RERE: variants seen among roughly 807,000 people sequenced by gnomAD.
The protein encoded by RERE is arginine-glutamic acid dipeptide repeats protein.
RERE carries 40 observed loss-of-function variants against 146.1 expected under a neutral mutation model. The observed-to-expected ratio is 0.27, with a 90% CI of 0.21 to 0.36. The LOEUF (loss-of-function observed/expected upper bound fraction) is 0.36. Ranked by LOEUF, RERE falls within the 10% of genes least tolerant of loss-of-function variation. The pLI, the probability that RERE is intolerant of heterozygous loss-of-function variation, is 1.00. For synonymous variants in RERE, 1,003 were observed against 866.0 expected (o/e 1.16, Z -2.78); for missense variants, 1,933 against 2,138.7 (o/e 0.90, Z 1.90).
At chr1:8,400,639 T>C (rs1486020313) in intron 12 of RERE, among the ~76,000 whole-genome samples, 1 of 151,856 alleles carries the variant, frequency 6.6e-6, no homozygotes, top group East Asian at 1.9e-4. Flanking sequence ...GAGTCTAATA[T>C]TAGTGATGAC....
At chr1:8,814,611 C>T (rs1328092985) in intron 1 of RERE, among the ~76,000 whole-genome samples, 4 of 152,182 alleles carry the variant, frequency 2.6e-5, no homozygotes, top group Non-Finnish European at 5.9e-5. Flanking sequence ...TCCTCCTCTA[C>T]CCCTCTACCT....
chr1:8,720,639 G>C (rs948876825), intron 1 of RERE, among the ~76,000 whole-genome samples: 1 of 152,146 alleles, frequency 6.6e-6, no homozygotes, highest in East Asian at 1.9e-4. Flanking sequence ...TCGAGTCCAA[G>C]GTCAGGGTAG....
chr1:8,598,182 G>C (rs191106046), intron 4 of RERE, among the ~76,000 whole-genome samples: 1 of 152,124 alleles, frequency 6.6e-6, no homozygotes, highest in South Asian at 2.1e-4. Flanking sequence ...ATTATAAAGC[G>C]TACAGCAAGC....
intron 2 of RERE, among the ~76,000 whole-genome samples, chr1:8,634,864 T>C (rs936753714): frequency 6.6e-6 from 1 of 152,070 alleles, no homozygotes; most frequent in Non-Finnish European, 1.5e-5. Context: ...GCCTCATGAG[T>C]AGCTGGGACT....
chr1:8,447,373 C>T (rs980096869), intron 11 of RERE, among the ~76,000 whole-genome samples: 4 of 152,002 alleles, frequency 2.6e-5, no homozygotes, highest in South Asian at 2.1e-4. Flanking sequence ...GGAGAAGAGG[C>T]GTTCTGGTTT....
At chr1:8,717,145 C>T (rs1244301688) in intron 1 of RERE, among the ~76,000 whole-genome samples, 4 of 152,176 alleles carry the variant, frequency 2.6e-5, no homozygotes, top group Non-Finnish European at 5.9e-5. Flanking sequence ...CTTCAAAAAA[C>T]TTAATGAATT....
intron 1 of RERE, among the ~76,000 whole-genome samples, chr1:8,793,775 T>A (rs905443201): frequency 4.6e-5 from 7 of 152,176 alleles, no homozygotes; most frequent in African/African-American, 1.7e-4. Context: ...TAGACTGGAA[T>A]AAACAATTTG....
At chr1:8,518,096 A>G (rs1483749387) in intron 7 of RERE, among the ~76,000 whole-genome samples, 1 of 152,226 alleles carries the variant, frequency 6.6e-6, no homozygotes, top group Non-Finnish European at 1.5e-5. Flanking sequence ...TTCTGTGAAC[A>G]TTCACCAAAG....
chr1:8,786,294 T>C lies in RERE; in HGVS notation c.-145+30866A>G, dbSNP rs1641257674. 6.4e-6 allele frequency: 6 copies of C among 934,596 alleles called. No homozygotes were observed. The East Asian group carries it at 1.3e-4, about 20-fold the overall frequency. The allele number at this position is 934,596 out of a possible 1,614,324, so 57.9% of individuals were successfully genotyped here. On this transcript the variant is annotated intron_variant, in intron 1 of 22. Transcript: ENST00000400908. ...GGTGGTTTTTCTTCATTCTATCTTGTGGAGAAAATAATTTGAAGGGCCACA... is the reference window on the plus strand; with the variant it reads ...GGTGGTTTTTCTTCATTCTATCTTGCGGAGAAAATAATTTGAAGGGCCACA...
At chr1:8,369,180 G>T (rs191321779) in intron 12 of RERE, among the ~76,000 whole-genome samples, 61 of 152,298 alleles carry the variant, frequency 4.0e-4, no homozygotes, top group Non-Finnish European at 6.0e-4. Flanking sequence ...CAGCCTGGGG[G>T]ACAGGGCGAG....
chr1:8,796,137 T>C (rs1481287280), intron 1 of RERE, among the ~76,000 whole-genome samples: 1 of 151,762 alleles, frequency 6.6e-6, no homozygotes, highest in Non-Finnish European at 1.5e-5. Context: ...TATTCTGCCA[T>C]AGGCCACCCA....
chr1:8,359,806 C>T lies in RERE; in HGVS notation c.3576G>A (p.Arg1192=), dbSNP rs1207077562. The change falls in exon 19 of 23, where the codon CGG becomes CGA. Residue 1192 remains arginine, a synonymous_variant. Transcript: ENST00000400908. ...REREKEKEKE[R]EREREREREA... is the part of the protein sequence containing the mutation. Reference sequence around the variant, plus strand: ...CGCGCTCCCGCTCTCGCTCCCGCTCCCGCTCCTTCTCCTTCTCCTTCTCCC... The same window carrying T: ...CGCGCTCCCGCTCTCGCTCCCGCTCTCGCTCCTTCTCCTTCTCCTTCTCCC... 1 of 1,605,314 alleles carries T rather than the reference C, an allele frequency of 6.2e-7. No homozygotes were observed. Among genetic ancestry groups the T allele is most frequent in the East Asian group, 2.2e-5 (1 of 44,852 alleles).
intron 1 of RERE, among the ~76,000 whole-genome samples, chr1:8,669,750 T>C (rs1161182897): frequency 1.3e-5 from 2 of 152,222 alleles, no homozygotes; most frequent in Non-Finnish European, 2.9e-5. Context: ...TATAGCATGT[T>C]CAAAAGTAGA....
chr1:8,807,500 C>T (rs564412136), intron 1 of RERE, among the ~76,000 whole-genome samples: 47 of 152,166 alleles, frequency 3.1e-4, no homozygotes, highest in Admixed American at 4.6e-4. Context: ...ACATCAACCT[C>T]ATTAGAGATT....
intron 1 of RERE, among the ~76,000 whole-genome samples, chr1:8,693,742 A>G (rs1368113667): frequency 1.3e-5 from 2 of 152,176 alleles, no homozygotes; most frequent in Non-Finnish European, 2.9e-5. Flanking sequence ...TACACTATAG[A>G]CTTTAGTTAT....
intron 12 of RERE, among the ~76,000 whole-genome samples, chr1:8,396,209 T>C (rs1477435839): frequency 6.6e-6 from 1 of 152,228 alleles, no homozygotes; most frequent in Non-Finnish European, 1.5e-5. Context: ...GCTGCTGTGC[T>C]ATCACTTGGG....
At chr1:8,434,821 G>A (rs556686186) in intron 11 of RERE, 1 of 152,308 alleles carries the variant, frequency 6.6e-6, no homozygotes, top group African/African-American at 2.4e-5. Flanking sequence ...AGAAACCCTA[G>A]CTATTCTAGT....
intron 1 of RERE, among the ~76,000 whole-genome samples, chr1:8,679,088 G>A (rs530460301): frequency 6.6e-6 from 1 of 152,334 alleles, no homozygotes; most frequent in African/African-American, 2.4e-5. Flanking sequence ...CATTTCCATT[G>A]CCACTGAAAG....
intron 3 of RERE, among the ~76,000 whole-genome samples, chr1:8,623,199 C>T (rs1204711581): frequency 2.0e-5 from 3 of 152,182 alleles, no homozygotes; most frequent in Admixed American, 2.0e-4. Context: ...GTAATCCCAG[C>T]ACTTTGGGAG....
Sources: allele counts gnomAD v4.1 joint callset (sites outside exome capture counted in the v4.1 genomes callset), GRCh38; gene constraint gnomAD v4.1.1; transcripts MANE v1.5; gene names NCBI Gene and HGNC (gene_info 2026-07-23, HGNC 2026-07-21).